ICA1: variants seen among roughly 807,000 people sequenced by gnomAD.
ICA1 encodes islet cell autoantigen 1.
ICA1 carries 40 observed loss-of-function variants against 71.0 expected under a neutral mutation model. That is an observed-to-expected ratio of 0.56 (90% CI 0.44 to 0.73). ICA1 has a LOEUF of 0.73. Ranked by LOEUF, ICA1 falls within the 30% of genes least tolerant of loss-of-function variation. The probability of loss-of-function intolerance (pLI) is 0.00; values close to 1 mark genes in which losing one functional copy is unlikely to be tolerated. For synonymous variants in ICA1, 207 were observed against 209.5 expected (o/e 0.99, Z 0.10); for missense variants, 578 against 576.5 (o/e 1.00, Z -0.03).
chr7:8,205,850 C>A (rs540761352), intron 6 of ICA1, among the ~76,000 whole-genome samples: 23 of 152,280 alleles, frequency 1.5e-4, no homozygotes, highest in African/African-American at 4.6e-4. Flanking sequence ...GGACGCTGAA[C>A]ACAGAGCAAG....
chr7:8,231,052 T>C (rs765738934), intron 3 of ICA1, among the ~76,000 whole-genome samples: 5 of 150,106 alleles, frequency 3.3e-5, no homozygotes, highest in Non-Finnish European at 5.9e-5. Context: ...AAATAAAACA[T>C]GGCCAGGTGT....
rs773328271 is a variant in ICA1, at chr7:8,232,709, C to G, written c.64G>C (p.Val22Leu). 6.2e-7 allele frequency: 1 copy of G among 1,611,906 alleles called. No homozygotes were observed. Among genetic ancestry groups the G allele is most frequent in the Non-Finnish European group, 8.5e-7 (1 of 1,179,054 alleles). The change falls in exon 3 of 14, where the codon GTT becomes CTT. Residue 22 changes from valine to leucine, a missense_variant. Transcript: ENST00000402384. ...LQDRYAQDKS[V>L]VNKMQQKYWE... The stretch of plus-strand genomic sequence containing the variant: ...TATTTCTGTTGCATCTTATTTACAA[C>G]TGACTTATCTTGAGCATATCGATCC...
chr7:8,177,005 C>T (rs1248352577), intron 6 of ICA1, among the ~76,000 whole-genome samples: 1 of 152,202 alleles, frequency 6.6e-6, no homozygotes, highest in Non-Finnish European at 1.5e-5. Flanking sequence ...CTTTATATTA[C>T]CCAAAATGGA....
chr7:8,187,550 TA>T (rs1784287621), intron 6 of ICA1, among the ~76,000 whole-genome samples: 1 of 152,242 alleles, frequency 6.6e-6, no homozygotes, highest in Admixed American at 6.5e-5. Context: ...TAGACTACAC[TA>T]AATTTATAAC....
intron 1 of ICA1, among the ~76,000 whole-genome samples, chr7:8,236,626 T>C (rs1186839756): frequency 6.6e-6 from 1 of 152,246 alleles, no homozygotes; most frequent in African/African-American, 2.4e-5. Flanking sequence ...AAAGGGTTGA[T>C]ATGCTTGAAT....
At chr7:8,141,726 A>C (rs1159253831) in intron 10 of ICA1, 39 bp downstream of exon 10, 1 of 1,278,146 alleles carries the variant, frequency 7.8e-7, no homozygotes, top group Non-Finnish European at 1.1e-6. Context: ...GCATTAAGTA[A>C]TATTTCAGAA....
intron 6 of ICA1, among the ~76,000 whole-genome samples, chr7:8,165,967 T>C (rs1284086974): frequency 6.6e-6 from 1 of 152,212 alleles, no homozygotes; most frequent in Non-Finnish European, 1.5e-5. Flanking sequence ...GGTTCAATGC[T>C]ATTCCTATAA....
At chr7:8,157,247 T>G in intron 7 of ICA1, 33 bp from the exon 8 acceptor site, 1 of 1,559,618 alleles carries the variant, frequency 6.4e-7, no homozygotes, top group Non-Finnish European at 8.7e-7. Context: ...TATTAATGTT[T>G]TGAATGCCCA....
At position 8,178,346 on chromosome 7, in the gene ICA1, C is replaced by T. The variant is rs1781216162; in HGVS notation, c.580-19694G>A. On this transcript the variant is annotated intron_variant, in intron 6 of 13. Coordinates refer to ENST00000402384, the MANE Select transcript of ICA1 (RefSeq NM_001136020.3). ...CTCTATTACCTCACAAGACACTTAT[C>T]ACATTGAATGGTCACTGTATTTTAA... 3.3e-5 allele frequency among the ~76,000 whole-genome samples: 5 copies of T among 152,146 alleles called. No homozygotes were observed. In the South Asian group the frequency reaches 6.2e-4, roughly 19 times the overall value.
chr7:8,243,032 T>C (rs192683678), intron 1 of ICA1, among the ~76,000 whole-genome samples: 123 of 152,164 alleles, frequency 8.1e-4, no homozygotes, highest in East Asian at 7.9e-3. Flanking sequence ...TTCCAATCAA[T>C]AGAAAAAGAG....
At chr7:8,115,765 A>G (rs1479236205) in intron 13 of ICA1, among the ~76,000 whole-genome samples, 1 of 152,260 alleles carries the variant, frequency 6.6e-6, no homozygotes, top group African/African-American at 2.4e-5. Flanking sequence ...CACAGATGAT[A>G]TCTTCAGTCG....
chr7:8,128,651 G>A (rs1296680263), intron 12 of ICA1, among the ~76,000 whole-genome samples: 1 of 140,686 alleles, frequency 7.1e-6, no homozygotes, highest in African/African-American at 2.7e-5. Context: ...GATGTCCAGA[G>A]CTCAACAATG....
chr7:8,239,463 G>A (rs939155717), intron 1 of ICA1, among the ~76,000 whole-genome samples: 1 of 152,202 alleles, frequency 6.6e-6, no homozygotes, highest in African/African-American at 2.4e-5. Context: ...GCTCCAGTCT[G>A]CAGCTCCCAG....
intron 6 of ICA1, among the ~76,000 whole-genome samples, chr7:8,165,211 ATTCCTTTAATTAACAC>A (rs1262134390): frequency 5.9e-5 from 9 of 152,254 alleles, no homozygotes; most frequent in African/African-American, 2.2e-4. Context: ...ATTTTGCTGA[ATTCCTTTAATTAACAC>A]TTCCTTTAAT....
chr7:8,210,151 T>TCAA (rs1793140734), intron 6 of ICA1, among the ~76,000 whole-genome samples: 1 of 152,188 alleles, frequency 6.6e-6, no homozygotes. Context: ...ATTATAGTCC[T>TCAA]TTAAATTGAG....
chr7:8,215,571 T>C (rs190179247), intron 6 of ICA1, among the ~76,000 whole-genome samples: 5 of 152,318 alleles, frequency 3.3e-5, no homozygotes, highest in Admixed American at 3.3e-4. Flanking sequence ...GCCTCCTTAC[T>C]GCTGTATTCC....
rs1251245483 is a variant in ICA1, at chr7:8,234,027, A to C, written c.18-1272T>G. On this transcript the variant is annotated intron_variant, in intron 2 of 13. Transcript: ENST00000402384. This position sits in a 1 kb window ranked among gnomAD's most constrained non-coding sequence, Gnocchi z 4.5. Reference sequence around the variant, plus strand: ...TGCTTGAGGCCAGGAGTTTCAGATCAGCCTGGGCAACATAGTAAAACCCCA... The same window carrying C: ...TGCTTGAGGCCAGGAGTTTCAGATCCGCCTGGGCAACATAGTAAAACCCCA... Among the ~76,000 whole-genome samples the C allele has an allele frequency of 6.6e-6, 1 of 152,140 alleles. No homozygotes were observed. Among genetic ancestry groups the C allele is most frequent in the Non-Finnish European group, 1.5e-5 (1 of 68,032 alleles).
intron 6 of ICA1, among the ~76,000 whole-genome samples, chr7:8,160,071 A>T (rs564871456): frequency 4.3e-4 from 66 of 152,294 alleles, no homozygotes; most frequent in African/African-American, 1.6e-3. Context: ...ACCTGGCGCA[A>T]AGCAGGTACT....
chr7:8,124,222 G>T (rs190660853), intron 13 of ICA1, among the ~76,000 whole-genome samples: 10 of 144,834 alleles, frequency 6.9e-5, no homozygotes, highest in Non-Finnish European at 1.5e-4. Context: ...CCGGGTTCAC[G>T]CCATTCTCCT....
Sources: gnomAD v4.1 joint callset for allele counts (sites outside exome capture counted in the v4.1 genomes callset) on GRCh38, gnomAD v4.1.1 for gene constraint, Gnocchi (gnomAD v3.1) non-coding constraint, MANE v1.5 for transcripts, NCBI Gene and HGNC (gene_info 2026-07-23, HGNC 2026-07-21) for gene names.